CTNNA3: variants seen among roughly 807,000 people sequenced by gnomAD.
CTNNA3 encodes catenin alpha 3.
CTNNA3 carries 76 observed loss-of-function variants against 95.7 expected under a neutral mutation model. That is an observed-to-expected ratio of 0.79 (90% CI 0.66 to 0.96). The LOEUF (loss-of-function observed/expected upper bound fraction) is 0.96. CTNNA3 is among the 40% of genes least tolerant of loss of function. The pLI is 0.00. For synonymous variants in CTNNA3, 431 were observed against 374.4 expected (o/e 1.15, Z -1.74); for missense variants, 1,191 against 1,089.8 (o/e 1.09, Z -1.31).
chr10:66,312,431 T>C (rs1053712804), intron 12 of CTNNA3, among the ~76,000 whole-genome samples: 3 of 152,086 alleles, frequency 2.0e-5, no homozygotes, highest in Non-Finnish European at 2.9e-5. Context: ...TGTTTTTGTG[T>C]GTGTATGTGT....
rs761299002 is a variant in CTNNA3 at position 67,228,897 on chromosome 10, G to T, written c.580-9027C>A. ...AGCAGAATTCTTCCAGACATTCAAA[G>T]AATTAGTACCAACCCTTTTGACACT... is the stretch of plus-strand genomic sequence containing the variant. On this transcript the variant is annotated intron_variant, in intron 5 of 17. Coordinates refer to ENST00000433211, the MANE Select transcript of CTNNA3 (RefSeq NM_013266.4). 3.3e-5 allele frequency among the ~76,000 whole-genome samples: 5 copies of T among 152,142 alleles called. No homozygotes were observed. The South Asian group carries it at 1.0e-3, about 32-fold the overall frequency.
chr10:67,467,406 C>G (rs1405815215), intron 5 of CTNNA3, among the ~76,000 whole-genome samples: 1 of 152,068 alleles, frequency 6.6e-6, no homozygotes, highest in African/African-American at 2.4e-5. Context: ...TAGTCCTTCA[C>G]AGTTTTCCCT....
chr10:65,932,737 C>G (rs961609230), intron 17 of CTNNA3, among the ~76,000 whole-genome samples: 15 of 152,166 alleles, frequency 9.9e-5, no homozygotes, highest in African/African-American at 3.4e-4. Context: ...TATTCTACCT[C>G]TGAATACTTT....
intron 7 of CTNNA3, among the ~76,000 whole-genome samples, chr10:66,832,251 G>A (rs2132323720): frequency 6.6e-6 from 1 of 152,298 alleles, no homozygotes; most frequent in East Asian, 1.9e-4. Context: ...CTGAGACCCT[G>A]TATATATCTA....
At chr10:66,430,418 G>C (rs755967136) in intron 11 of CTNNA3, among the ~76,000 whole-genome samples, 9 of 152,044 alleles carry the variant, frequency 5.9e-5, no homozygotes, top group Non-Finnish European at 1.0e-4. Context: ...AGTTCATATG[G>C]AACCAAAAAA....
chr10:66,671,397 A>T (rs957922504), intron 9 of CTNNA3, among the ~76,000 whole-genome samples: 2 of 152,132 alleles, frequency 1.3e-5, no homozygotes, highest in Non-Finnish European at 2.9e-5. Context: ...GCATTACCCA[A>T]GAAAGAGAAA....
chr10:67,001,959 T>C (rs752855292), intron 7 of CTNNA3, among the ~76,000 whole-genome samples: 14 of 152,158 alleles, frequency 9.2e-5, no homozygotes, highest in Non-Finnish European at 1.8e-4. Context: ...GAAATAGACA[T>C]TGAGGAAGCA....
chr10:67,462,909 TC>T (rs1847437244), intron 5 of CTNNA3, among the ~76,000 whole-genome samples: 1 of 146,852 alleles, frequency 6.8e-6, no homozygotes, highest in Admixed American at 6.7e-5. Flanking sequence ...TTTTTCTTTT[TC>T]TTTTTTTTTT....
chr10:67,184,849 G>A (rs1862757024), intron 6 of CTNNA3, among the ~76,000 whole-genome samples: 1 of 152,092 alleles, frequency 6.6e-6, no homozygotes, highest in Non-Finnish European at 1.5e-5. Flanking sequence ...TGCTGATAGA[G>A]GTTCTTCAAA....
At chr10:66,253,874 C>A (rs2090656115) in intron 13 of CTNNA3, among the ~76,000 whole-genome samples, 1 of 152,054 alleles carries the variant, frequency 6.6e-6, no homozygotes, top group African/African-American at 2.4e-5. Context: ...ATTCCAGGGA[C>A]TATGCGGGCA....
intron 17 of CTNNA3, among the ~76,000 whole-genome samples, chr10:65,953,219 G>A (rs2077654928): frequency 6.6e-6 from 1 of 152,174 alleles, no homozygotes. Context: ...GCTCCCTGAT[G>A]AGAATGCCTT....
chr10:66,255,743 T>C (rs1242848449), intron 13 of CTNNA3, among the ~76,000 whole-genome samples: 1 of 152,170 alleles, frequency 6.6e-6, no homozygotes, highest in Non-Finnish European at 1.5e-5. Context: ...TCCTTGTCCA[T>C]AAGGTGGCAA....
At chr10:66,624,810 T>C (rs1844875422) in intron 9 of CTNNA3, among the ~76,000 whole-genome samples, 1 of 152,124 alleles carries the variant, frequency 6.6e-6, no homozygotes, top group South Asian at 2.1e-4. Context: ...AACCAACCAA[T>C]GGCAGGGCGA....
chr10:66,203,193 A>G (rs763910507), intron 13 of CTNNA3, among the ~76,000 whole-genome samples: 1 of 152,200 alleles, frequency 6.6e-6, no homozygotes, highest in Non-Finnish European at 1.5e-5. Context: ...AAGGTCAATA[A>G]GATGCTTCAG....
At chr10:67,367,349 A>C (rs2132689621) in intron 5 of CTNNA3, among the ~76,000 whole-genome samples, 1 of 152,154 alleles carries the variant, frequency 6.6e-6, no homozygotes, top group East Asian at 1.9e-4. Flanking sequence ...CAACATCATT[A>C]ATCAAAACTA....
chr10:66,882,443 G>C (rs1261960785), intron 7 of CTNNA3, among the ~76,000 whole-genome samples: 4 of 152,082 alleles, frequency 2.6e-5, no homozygotes, highest in Non-Finnish European at 4.4e-5. Context: ...TTGAACACTT[G>C]ACTGCCTACA....
At chr10:66,904,313 T>C (rs1354578941) in intron 7 of CTNNA3, among the ~76,000 whole-genome samples, 5 of 152,196 alleles carry the variant, frequency 3.3e-5, no homozygotes, top group African/African-American at 1.2e-4. Flanking sequence ...TGGCTAGCCA[T>C]ATGTAGAAAG....
intron 5 of CTNNA3, among the ~76,000 whole-genome samples, chr10:67,472,904 C>T (rs1847880745): frequency 6.6e-6 from 1 of 152,168 alleles, no homozygotes; most frequent in Non-Finnish European, 1.5e-5. Flanking sequence ...ATGTAAAGCC[C>T]TTCATGACCC....
chr10:66,320,350 G>A (rs2092164161), intron 12 of CTNNA3, among the ~76,000 whole-genome samples: 1 of 152,040 alleles, frequency 6.6e-6, no homozygotes, highest in Non-Finnish European at 1.5e-5. Flanking sequence ...CCTCTAGCCA[G>A]TTGGCAAATT....
Sources: allele counts gnomAD v4.1 joint callset (sites outside exome capture counted in the v4.1 genomes callset), GRCh38; gene constraint gnomAD v4.1.1; transcripts MANE v1.5; gene names NCBI Gene and HGNC (gene_info 2026-07-23, HGNC 2026-07-21).